Variants in SLC66A2 observed in about 807,000 individuals in gnomAD.
SLC66A2 encodes PQ loop repeat containing 1.
In SLC66A2, 23 loss-of-function variants were observed where a neutral mutation model predicts 25.5. That is an observed-to-expected ratio of 0.90 (90% CI 0.65 to 1.28). SLC66A2 has a LOEUF of 1.28. SLC66A2 is among the 50% of genes most tolerant of loss of function. The pLI, the probability that SLC66A2 is intolerant of heterozygous loss-of-function variation, is 0.00. For synonymous variants in SLC66A2, 193 were observed against 166.5 expected (o/e 1.16, Z -1.23); for missense variants, 396 against 373.1 (o/e 1.06, Z -0.51).
intron 3 of SLC66A2, among the ~76,000 whole-genome samples, chr18:79,934,852 C>G (rs1221883178): frequency 6.6e-6 from 1 of 152,244 alleles, no homozygotes; most frequent in Non-Finnish European, 1.5e-5. Flanking sequence ...TGCAAGTGAA[C>G]AGCTAAAAGC....
rs1981570636 is a variant in SLC66A2, at chr18:79,903,675, G to A, written c.*301C>T. The A allele has an allele frequency of 7.6e-6, 3 of 397,246 alleles. No homozygotes were observed. The highest frequency in any genetic ancestry group is 1.3e-5 in the Non-Finnish European group (3 of 229,378). 24.6% of individuals were successfully genotyped at this position (397,246 alleles called of 1,614,324 possible). A position where few individuals can be genotyped will look rare whatever the true frequency, so the allele number is the denominator to read the frequency against. ...TGCAGGCCGCCCAATGTGTACCTTG[G>A]GCTCAGACGGTGTTTCATAAGAGGA... On this transcript the variant is annotated 3_prime_UTR_variant, in exon 6 of 6. Transcript: ENST00000397778.
chr18:79,943,732 G>C (rs949080906), intron 2 of SLC66A2: 4 of 391,448 alleles, frequency 1.0e-5, no homozygotes, highest in Non-Finnish European at 1.8e-5. Context: ...AAGATCCTGT[G>C]TCAGGAGGGA....
rs1984289915 is a variant in SLC66A2, at chr18:79,917,159, C to A, written c.608+2025G>T. On this transcript the variant is annotated intron_variant, in intron 5 of 5. Transcript: ENST00000397778. This position sits in a 1 kb window ranked among gnomAD's most constrained non-coding sequence, Gnocchi z 6.0. ...TGTGTGAGAAGAGCAGACCTCAGGG[C>A]CTAAGACAGGCCTGCCTGCAGGGCC... Among the ~76,000 whole-genome samples the A allele has an allele frequency of 6.6e-6, 1 of 152,242 alleles. No individual in the cohort carries two copies. Among genetic ancestry groups the A allele is most frequent in the South Asian group, 2.1e-4 (1 of 4,836 alleles).
chr18:79,933,271 T>G (rs1005713375), intron 4 of SLC66A2, among the ~76,000 whole-genome samples: 1 of 152,166 alleles, frequency 6.6e-6, no homozygotes, highest in Non-Finnish European at 1.5e-5. Context: ...CAAACTCGAA[T>G]AAAAGGGAAC....
At chr18:79,930,976 C>T (rs1281251204) in intron 4 of SLC66A2, among the ~76,000 whole-genome samples, 1 of 152,080 alleles carries the variant, frequency 6.6e-6, no homozygotes, top group Non-Finnish European at 1.5e-5. Context: ...AGTAAGGTTC[C>T]TGTCACTGGA....
At position 79,943,370 on chromosome 18, in the gene SLC66A2, C is replaced by T. The variant is rs777201591; in HGVS notation, c.296G>A (p.Arg99His). ...CCTGGCGTTGAGCTCGTTGGCCACA[C>T]GGACCTCGGTGCACAGCTTCAGCAT... ...LLMLKLCTEV[R>H]VANELNARRR... Residue 99 changes from arginine to histidine, a missense_variant, in exon 3 of 6, where the codon CGT becomes CAT. Coordinates refer to ENST00000397778, the MANE Select transcript of SLC66A2 (RefSeq NM_025078.5). 13 of 1,614,054 alleles carry T rather than the reference C, an allele frequency of 8.1e-6. No homozygotes were observed. The highest frequency in any genetic ancestry group is 3.3e-5 in the Admixed American group (2 of 59,994).
intron 5 of SLC66A2, among the ~76,000 whole-genome samples, chr18:79,907,525 G>C (rs1982315125): frequency 6.6e-6 from 1 of 151,792 alleles, no homozygotes; most frequent in Admixed American, 6.6e-5. Context: ...CTAATGTTTT[G>C]TATTTTAGTA....
intron 5 of SLC66A2, among the ~76,000 whole-genome samples, chr18:79,908,009 C>T (rs570289076): frequency 8.5e-5 from 13 of 152,242 alleles, no homozygotes; most frequent in African/African-American, 1.4e-4. Context: ...AGTTCACTAT[C>T]GTCTCCCTCT....
At chr18:79,909,042 T>C (rs1343832141) in intron 5 of SLC66A2, among the ~76,000 whole-genome samples, 3 of 152,232 alleles carry the variant, frequency 2.0e-5, no homozygotes, top group African/African-American at 7.2e-5. Flanking sequence ...TACATAACTT[T>C]GGTTTTTATC....
chr18:79,913,430 C>T (rs940175525), intron 5 of SLC66A2, among the ~76,000 whole-genome samples: 3 of 152,234 alleles, frequency 2.0e-5, no homozygotes, highest in African/African-American at 7.2e-5. Context: ...ATCCGCCCTT[C>T]GGAGCCTGCT....
Position 79,943,344 on chromosome 18 carries a change from G to C in SLC66A2, c.322C>G (p.Arg108Gly). ...VRVANELNAR[R>G]RSFTAADSKD... ...GGCCACCAACCTGTAAAGGAGCGGC[G>C]CCTGGCGTTGAGCTCGTTGGCCACA... The change falls in exon 3 of 6, where the codon CGC becomes GGC. Residue 108 changes from arginine (R) to glycine (G), a missense_variant. Coordinates refer to ENST00000397778, the MANE Select transcript of SLC66A2 (RefSeq NM_025078.5). 6.2e-7 allele frequency: 1 copy of C among 1,614,138 alleles called. No homozygotes were observed. Among genetic ancestry groups the C allele is most frequent in the Non-Finnish European group, 8.5e-7 (1 of 1,180,024 alleles).
Position 79,908,242 on chromosome 18 carries a change from T to A in SLC66A2, c.609-4059A>T, listed in dbSNP as rs117719005. 8.7e-3 allele frequency among the ~76,000 whole-genome samples: 1,325 copies of A among 152,314 alleles called. 12 individuals are homozygous for A. Among genetic ancestry groups the A allele is most frequent in the South Asian group, 0.036 (176 of 4,824 alleles). On this transcript the variant is annotated intron_variant, in intron 5 of 5. Coordinates refer to ENST00000397778, the MANE Select transcript of SLC66A2 (RefSeq NM_025078.5). ...ACTTTTTTTAGTATTTCCTGTTGAG[T>A]AGCACTGCTGCCCATGACTTCGCTT...
At chr18:79,944,766 G>T in intron 2 of SLC66A2, 1 of 152,642 alleles carries the variant, frequency 6.6e-6, no homozygotes. Context: ...CCCAACTTCT[G>T]AAAAACTGGA....
intron 5 of SLC66A2, among the ~76,000 whole-genome samples, chr18:79,913,104 T>C (rs529446270): frequency 6.6e-6 from 1 of 152,322 alleles, no homozygotes; most frequent in African/African-American, 2.4e-5. Context: ...ACTGACGTAG[T>C]TGAAATCCTC....
At chr18:79,911,910 TG>T (rs1217559712) in intron 5 of SLC66A2, among the ~76,000 whole-genome samples, 4 of 9,990 alleles carry the variant, frequency 4.0e-4, no homozygotes, top group South Asian at 5.5e-3. Flanking sequence ...GGGACAGGAG[TG>T]GGGGGGACGG....
intron 4 of SLC66A2, among the ~76,000 whole-genome samples, chr18:79,921,229 CA>C (rs200208372): frequency 1.8e-4 from 1 of 5,676 alleles, no homozygotes; most frequent in Non-Finnish European, 3.0e-4. Context: ...TGAGGAGAGA[CA>C]GGAACCGAGG....
chr18:79,924,435 G>A (rs1985681675), intron 4 of SLC66A2, among the ~76,000 whole-genome samples: 1 of 152,176 alleles, frequency 6.6e-6, no homozygotes, highest in Admixed American at 6.5e-5. Flanking sequence ...ACGGAACTTG[G>A]GGAAAAGAAG....
chr18:79,926,959 A>G (rs374835965), intron 4 of SLC66A2, among the ~76,000 whole-genome samples: 4 of 152,318 alleles, frequency 2.6e-5, no homozygotes, highest in Admixed American at 6.5e-5. Context: ...AAACTGTATC[A>G]TACTCCCACT....
At position 79,903,931 on chromosome 18, in the gene SLC66A2, C is replaced by G. The variant is rs1320067694; in HGVS notation, c.*45G>C. The G allele has an allele frequency of 1.3e-6, 2 of 1,542,770 alleles. No individual in the cohort carries two copies. Among genetic ancestry groups the G allele is most frequent in the South Asian group, 2.4e-5 (2 of 84,934 alleles). ...CTCCCCGCGGGGAGGTCAGGGCCCACCAGTGCCCGCGGCTGGCGGTCCCAC... is the reference window on the plus strand; with the variant it reads ...CTCCCCGCGGGGAGGTCAGGGCCCAGCAGTGCCCGCGGCTGGCGGTCCCAC... On this transcript the variant is annotated 3_prime_UTR_variant, in exon 6 of 6. Coordinates refer to ENST00000397778, the MANE Select transcript of SLC66A2 (RefSeq NM_025078.5).
Sources: gnomAD v4.1 joint callset for allele counts (sites outside exome capture counted in the v4.1 genomes callset) on GRCh38, gnomAD v4.1.1 for gene constraint, Gnocchi (gnomAD v3.1) non-coding constraint, MANE v1.5 for transcripts, NCBI Gene and HGNC (gene_info 2026-07-23, HGNC 2026-07-21) for gene names.